CNTN5: variants seen among roughly 807,000 people sequenced by gnomAD.
CNTN5 encodes contactin-5.
A neutral mutation model predicts 129.1 loss-of-function variants in CNTN5; 77 were observed. The ratio of observed to expected loss-of-function variants is 0.60; its 90% confidence interval spans 0.50 to 0.72. The LOEUF is 0.72. Among genes scored for constraint, CNTN5 ranks in the 30% least tolerant of loss-of-function variants. The pLI, the probability that CNTN5 is intolerant of heterozygous loss-of-function variation, is 0.00. For synonymous variants in CNTN5, 509 were observed against 465.6 expected (o/e 1.09, Z -1.20); for missense variants, 1,478 against 1,328.8 (o/e 1.11, Z -1.75).
At chr11:99,058,913 G>T (rs1400419061) in intron 1 of CNTN5, among the ~76,000 whole-genome samples, 3 of 149,544 alleles carry the variant, frequency 2.0e-5, no homozygotes, top group Non-Finnish European at 4.4e-5. Context: ...ATGGTGGGCA[G>T]TTATATATAT....
intron 2 of CNTN5, among the ~76,000 whole-genome samples, chr11:99,336,676 C>T (rs1356829604): frequency 5.3e-5 from 8 of 151,932 alleles, no homozygotes; most frequent in Non-Finnish European, 1.2e-4. Context: ...TCCGTCTCTA[C>T]TAAAAGTACG....
At chr11:99,884,435 A>C (rs996408088) in intron 6 of CNTN5, among the ~76,000 whole-genome samples, 1 of 152,190 alleles carries the variant, frequency 6.6e-6, no homozygotes, top group Non-Finnish European at 1.5e-5. Flanking sequence ...TATAACTTTT[A>C]AAATGAAATA....
At chr11:99,869,381 T>C (rs1489481100) in intron 6 of CNTN5, among the ~76,000 whole-genome samples, 6 of 152,170 alleles carry the variant, frequency 3.9e-5, no homozygotes, top group South Asian at 2.1e-4. Context: ...TGTTGGGTAG[T>C]AGATAAATAT....
At chr11:99,758,690 T>A (rs2135265546) in intron 3 of CNTN5, among the ~76,000 whole-genome samples, 1 of 152,088 alleles carries the variant, frequency 6.6e-6, no homozygotes, top group African/African-American at 2.4e-5. Context: ...GTGACATGAA[T>A]TGATTACTAA....
intron 7 of CNTN5, among the ~76,000 whole-genome samples, chr11:99,943,983 G>C (rs1339490043): frequency 6.6e-6 from 1 of 151,450 alleles, no homozygotes; most frequent in East Asian, 1.9e-4. Context: ...CTCCAGCTTT[G>C]TTGTTTTTGC....
chr11:99,719,937 G>A (rs922708668), intron 3 of CNTN5, among the ~76,000 whole-genome samples: 5 of 152,034 alleles, frequency 3.3e-5, no homozygotes. Flanking sequence ...AGAAGATATT[G>A]ATAAATTACT....
Position 99,276,566 on chromosome 11 carries a change from T to A in CNTN5, c.-209-48780T>A, listed in dbSNP as rs184840935. Among the ~76,000 whole-genome samples, 913 of 151,638 alleles carry A rather than the reference T, an allele frequency of 6.0e-3. 10 individuals carry two copies. The highest frequency in any genetic ancestry group is 8.7e-3 in the Non-Finnish European group (587 of 67,706). ...GGAAATAATAAAACAATTTACCTTA[T>A]AAAGTTATGAGAAATATATTAAATA... On this transcript the variant is annotated intron_variant, in intron 1 of 24. Coordinates refer to ENST00000524871, the MANE Select transcript of CNTN5 (RefSeq NM_014361.4).
chr11:99,153,909 AG>A (rs1276122725), intron 1 of CNTN5, among the ~76,000 whole-genome samples: 5 of 148,688 alleles, frequency 3.4e-5, no homozygotes, highest in South Asian at 2.1e-4. Flanking sequence ...AGGACATTTA[AG>A]GGGATAAGGC....
intron 3 of CNTN5, among the ~76,000 whole-genome samples, chr11:99,711,449 A>G (rs1381030893): frequency 1.3e-5 from 2 of 151,768 alleles, no homozygotes; most frequent in Non-Finnish European, 2.9e-5. Flanking sequence ...TCCAGACTGA[A>G]TATTTTTTAC....
At chr11:99,752,757 T>C (rs1349389888) in intron 3 of CNTN5, among the ~76,000 whole-genome samples, 1 of 152,198 alleles carries the variant, frequency 6.6e-6, no homozygotes, top group African/African-American at 2.4e-5. Flanking sequence ...ATTGCCACTT[T>C]AGAATTTTTG....
At chr11:99,913,041 G>A (rs1162013916) in intron 6 of CNTN5, among the ~76,000 whole-genome samples, 2 of 151,940 alleles carry the variant, frequency 1.3e-5, no homozygotes, top group African/African-American at 4.8e-5. Flanking sequence ...ATCTATAAAA[G>A]CACTTGGTCT....
chr11:100,244,329 T>G (rs1182228632), intron 16 of CNTN5, among the ~76,000 whole-genome samples: 1 of 152,186 alleles, frequency 6.6e-6, no homozygotes, highest in Non-Finnish European at 1.5e-5. Flanking sequence ...ACTGTTTTCT[T>G]GGAATCCTCA....
chr11:99,818,553 G>T (rs1946668922), intron 3 of CNTN5, among the ~76,000 whole-genome samples: 1 of 149,076 alleles, frequency 6.7e-6, no homozygotes, highest in African/African-American at 2.4e-5. Flanking sequence ...GACGTGCCTG[G>T]CCACAAACTG....
chr11:100,094,999 TTAAGC>T lies in CNTN5; in HGVS notation c.1580+20711_1580+20715del, dbSNP rs1218635003. Among the ~76,000 whole-genome samples the T allele has an allele frequency of 5.9e-5, 9 of 152,114 alleles. No individual in the cohort carries two copies. In the East Asian group the frequency reaches 1.5e-3, roughly 26 times the overall value. ...TTGCACAAATATATTTAAAAATTAC[TTAAGC>T]TAAGCAAATATAAAGCACTTTCACT... On this transcript the variant is annotated intron_variant, in intron 13 of 24. Coordinates refer to ENST00000524871, the MANE Select transcript of CNTN5 (RefSeq NM_014361.4).
At chr11:99,733,798 T>A (rs1943612525) in intron 3 of CNTN5, among the ~76,000 whole-genome samples, 2 of 152,246 alleles carry the variant, frequency 1.3e-5, no homozygotes, top group African/African-American at 2.4e-5. Context: ...ACACCAACAA[T>A]CATGCAAATA....
intron 3 of CNTN5, among the ~76,000 whole-genome samples, chr11:99,803,637 G>T (rs555544086): frequency 1.3e-5 from 2 of 152,180 alleles, no homozygotes; most frequent in Non-Finnish European, 2.9e-5. Context: ...GTTGCTCCTA[G>T]ATCCTCTCCG....
chr11:99,812,889 C>CT (rs907814857), intron 3 of CNTN5, among the ~76,000 whole-genome samples: 88 of 151,210 alleles, frequency 5.8e-4, no homozygotes, highest in African/African-American at 1.9e-3. Context: ...AGGCACTCTG[C>CT]TTTTTTTTTC....
At chr11:99,723,094 T>A (rs1943226098) in intron 3 of CNTN5, among the ~76,000 whole-genome samples, 1 of 152,086 alleles carries the variant, frequency 6.6e-6, no homozygotes, top group South Asian at 2.1e-4. Flanking sequence ...ATGTTTTCTC[T>A]TTACCTATTG....
intron 3 of CNTN5, among the ~76,000 whole-genome samples, chr11:99,598,264 CTT>C (rs1950185942): frequency 1.4e-3 from 2 of 1,436 alleles, no homozygotes; most frequent in Non-Finnish European, 2.9e-3. Context: ...CTTTCCTTTT[CTT>C]TTCTTTTCTT....
Sources: gnomAD v4.1 joint callset for allele counts (sites outside exome capture counted in the v4.1 genomes callset) on GRCh38, gnomAD v4.1.1 for gene constraint, MANE v1.5 for transcripts, NCBI Gene and HGNC (gene_info 2026-07-23, HGNC 2026-07-21) for gene names.